PTPRD: variants seen among roughly 807,000 people sequenced by gnomAD.
PTPRD encodes protein tyrosine phosphatase receptor type D, also known as receptor-type tyrosine-protein phosphatase delta.
Under a neutral mutation model 214.5 loss-of-function variants are expected in PTPRD, and 34 were observed. The ratio of observed to expected loss-of-function variants is 0.16; its 90% confidence interval spans 0.12 to 0.21. The LOEUF is 0.21. Among genes scored for constraint, PTPRD ranks in the 10% least tolerant of loss-of-function variants. The probability of loss-of-function intolerance (pLI) is 1.00; values close to 1 mark genes in which losing one functional copy is unlikely to be tolerated. For synonymous variants in PTPRD, 1,128 were observed against 845.7 expected (o/e 1.33, Z -5.79); for missense variants, 2,545 against 2,398.7 (o/e 1.06, Z -1.27).
At chr9:9,853,763 G>T (rs2061000517) in intron 5 of PTPRD, among the ~76,000 whole-genome samples, 4 of 151,950 alleles carry the variant, frequency 2.6e-5, no homozygotes. Flanking sequence ...TGGCCAGGAT[G>T]GTCTCAATGG....
At chr9:8,538,608 AAT>A (rs2077535155) in intron 14 of PTPRD, among the ~76,000 whole-genome samples, 1 of 151,516 alleles carries the variant, frequency 6.6e-6, no homozygotes, top group East Asian at 1.9e-4. Context: ...CCTAGTTTTA[AAT>A]ATATATGTAC....
At chr9:8,474,117 C>G (rs1330443512) in intron 30 of PTPRD, among the ~76,000 whole-genome samples, 1 of 152,158 alleles carries the variant, frequency 6.6e-6, no homozygotes, top group East Asian at 1.9e-4. Context: ...ACCTCAGAGT[C>G]AGGGTTTGGG....
At chr9:10,103,192 G>C (rs2098580026) in intron 3 of PTPRD, among the ~76,000 whole-genome samples, 1 of 151,238 alleles carries the variant, frequency 6.6e-6, no homozygotes, top group East Asian at 2.0e-4. Flanking sequence ...TACTTACACA[G>C]CACTAATATC....
chr9:9,601,143 GTGTGTGT>G (rs1167105923), intron 7 of PTPRD, among the ~76,000 whole-genome samples: 9 of 117,336 alleles, frequency 7.7e-5, no homozygotes, highest in African/African-American at 3.1e-4. Flanking sequence ...GTGTGTGTGT[GTGTGTGT>G]ATGGGGGGGG....
At chr9:10,002,826 G>T (rs1219170849) in intron 4 of PTPRD, among the ~76,000 whole-genome samples, 1 of 151,214 alleles carries the variant, frequency 6.6e-6, no homozygotes, top group Non-Finnish European at 1.5e-5. Context: ...CTACGAAATA[G>T]ACCTAATGAA....
intron 5 of PTPRD, among the ~76,000 whole-genome samples, chr9:9,773,615 T>C (rs2098771484): frequency 6.6e-6 from 1 of 152,210 alleles, no homozygotes; most frequent in Admixed American, 6.5e-5. Flanking sequence ...TATATTAGAA[T>C]GAAACAGTCT....
chr9:10,124,070 G>A (rs1331059390), intron 3 of PTPRD, among the ~76,000 whole-genome samples: 1 of 152,144 alleles, frequency 6.6e-6, no homozygotes, highest in Admixed American at 6.5e-5. Context: ...ATGCACCCAA[G>A]CTGCATTTAG....
intron 10 of PTPRD, among the ~76,000 whole-genome samples, chr9:9,062,261 A>G (rs2099708884): frequency 6.6e-6 from 1 of 152,202 alleles, no homozygotes; most frequent in Non-Finnish European, 1.5e-5. Context: ...TTTAATAACC[A>G]GGAGAGATAT....
chr9:8,727,393 T>G (rs190152810), intron 12 of PTPRD, among the ~76,000 whole-genome samples: 1 of 152,340 alleles, frequency 6.6e-6, no homozygotes, highest in East Asian at 1.9e-4. Flanking sequence ...ATAGCTGGAA[T>G]ACTTTCCTTG....
intron 11 of PTPRD, among the ~76,000 whole-genome samples, chr9:8,870,638 A>G (rs2098279066): frequency 6.6e-6 from 1 of 150,534 alleles, no homozygotes; most frequent in African/African-American, 2.4e-5. Flanking sequence ...AGAGTTGGGC[A>G]CTTTTCTTCT....
chr9:8,557,938 AT>A lies in PTPRD; in HGVS notation c.353-29160del, dbSNP rs201077980. Among the ~76,000 whole-genome samples the A allele has an allele frequency of 2.7e-3, 404 of 151,966 alleles. 2 individuals are homozygous for A. The highest frequency in any genetic ancestry group is 9.3e-3 in the African/African-American group (385 of 41,472). Reference sequence around the variant, plus strand: ...TTTCTACTTACTTAAGTTTACTCTAATTTTTTTGTCTCCTTTAAGCCACCAC... The same window carrying A: ...TTTCTACTTACTTAAGTTTACTCTAATTTTTTGTCTCCTTTAAGCCACCAC... On this transcript the variant is annotated intron_variant, in intron 14 of 45. Transcript: ENST00000381196.
At chr9:9,132,100 C>A (rs913193070) in intron 10 of PTPRD, among the ~76,000 whole-genome samples, 1 of 152,198 alleles carries the variant, frequency 6.6e-6, no homozygotes, top group Admixed American at 6.5e-5. Context: ...CTCCGCCTCC[C>A]GGGTTCACGC....
intron 7 of PTPRD, among the ~76,000 whole-genome samples, chr9:9,604,670 C>T (rs1011712803): frequency 6.6e-6 from 1 of 151,970 alleles, no homozygotes; most frequent in African/African-American, 2.4e-5. Context: ...TTTTACATAG[C>T]TCGTTATGAT....
At chr9:9,923,125 T>G (rs1005209883) in intron 5 of PTPRD, among the ~76,000 whole-genome samples, 73 of 146,390 alleles carry the variant, frequency 5.0e-4, no homozygotes, top group South Asian at 2.0e-3. Context: ...GTGTGGGGGG[T>G]GTGTGTGTGT....
At chr9:8,903,301 C>T (rs1430019034) in intron 11 of PTPRD, among the ~76,000 whole-genome samples, 10 of 152,128 alleles carry the variant, frequency 6.6e-5, no homozygotes, top group Admixed American at 6.5e-4. Context: ...TCAGCCTAGC[C>T]ACATGCTATT....
chr9:9,459,126 A>G (rs1280987181), intron 8 of PTPRD, among the ~76,000 whole-genome samples: 1 of 152,044 alleles, frequency 6.6e-6, no homozygotes, highest in Non-Finnish European at 1.5e-5. Flanking sequence ...TCAAAGCCCC[A>G]TGGAATGGCC....
chr9:8,427,184 T>A (rs1025219356), intron 35 of PTPRD, among the ~76,000 whole-genome samples: 2 of 152,304 alleles, frequency 1.3e-5, no homozygotes, highest in South Asian at 4.1e-4. Context: ...CAGTAGGTAC[T>A]TTTGAGTTAA....
intron 11 of PTPRD, among the ~76,000 whole-genome samples, chr9:8,837,573 G>A (rs776389238): frequency 6.6e-5 from 10 of 152,234 alleles, no homozygotes; most frequent in South Asian, 6.2e-4. Flanking sequence ...CACAATCGTG[G>A]TGAGCCTCAA....
At chr9:8,366,349 A>C (rs973024322) in intron 39 of PTPRD, among the ~76,000 whole-genome samples, 1 of 152,042 alleles carries the variant, frequency 6.6e-6, no homozygotes, top group African/African-American at 2.4e-5. Context: ...GAAACACTTA[A>C]CTGCTGCCTC....
Sources: gnomAD v4.1 joint callset for allele counts (sites outside exome capture counted in the v4.1 genomes callset) on GRCh38, gnomAD v4.1.1 for gene constraint, MANE v1.5 for transcripts, NCBI Gene and HGNC (gene_info 2026-07-23, HGNC 2026-07-21) for gene names.